RNF122: variants seen among roughly 807,000 people sequenced by gnomAD.
RNF122 encodes ring finger protein 122.
In RNF122, 17 loss-of-function variants were observed where a neutral mutation model predicts 24.2. The ratio of observed to expected loss-of-function variants is 0.70; its 90% CI spans 0.48 to 1.06. The LOEUF (loss-of-function observed/expected upper bound fraction) is 1.06. Among genes scored for constraint, RNF122 ranks in the 50% least tolerant of loss-of-function variants. RNF122 has a pLI of 0.00. For missense variants in RNF122, 168 were observed against 198.1 expected (o/e 0.85, Z 0.91); for synonymous variants, 65 against 71.8 (o/e 0.91, Z 0.48).
chr8:33,562,688 C>T (rs920732341), intron 1 of RNF122, among the ~76,000 whole-genome samples: 1 of 152,088 alleles, frequency 6.6e-6, no homozygotes, highest in African/African-American at 2.4e-5. Flanking sequence ...CTTTGGGAGG[C>T]TGAGGTAGGC....
At chr8:33,560,400 T>C (rs1563370335) in intron 1 of RNF122, among the ~76,000 whole-genome samples, 3 of 151,902 alleles carry the variant, frequency 2.0e-5, no homozygotes, top group Admixed American at 1.3e-4. Context: ...GGAGACAAGG[T>C]CTCACTCTGT....
intron 2 of RNF122, among the ~76,000 whole-genome samples, chr8:33,554,858 AGAGGGGGAAGAATGAGC>A (rs1301608227): frequency 6.6e-6 from 1 of 152,016 alleles, no homozygotes; most frequent in Non-Finnish European, 1.5e-5. Flanking sequence ...CAGCTCTGAG[AGAGGGGGAAGAATGAGC>A]GAGGGGCTGG....
chr8:33,552,196 G>A (rs934187527), intron 2 of RNF122, among the ~76,000 whole-genome samples: 1 of 152,066 alleles, frequency 6.6e-6, no homozygotes, highest in East Asian at 1.9e-4. Flanking sequence ...GATCACTTGA[G>A]TTCAAGACCA....
intron 2 of RNF122, among the ~76,000 whole-genome samples, chr8:33,557,632 A>T (rs1008325311): frequency 1.3e-5 from 2 of 151,734 alleles, no homozygotes; most frequent in African/African-American, 4.8e-5. Context: ...CGTCTCAAAA[A>T]AAAAAAAAAG....
intron 2 of RNF122, among the ~76,000 whole-genome samples, chr8:33,557,475 C>CA (rs1271962300): frequency 5.3e-5 from 8 of 151,834 alleles, no homozygotes; most frequent in Admixed American, 1.3e-4. Context: ...ACTAAAAATA[C>CA]AAAAATAAAA....
rs779420789 is a variant in RNF122, at chr8:33,549,534, C to T, written c.271-42G>A. ...GCAGGTGTGTGAGGAACTGGGGAAC[C>T]ATCTCACTCATTCAACCCCAGACAA... is the stretch of plus-strand genomic sequence containing the variant. On this transcript the variant is annotated intron_variant, in intron 4 of 5. Transcript: ENST00000256257. The T allele has an allele frequency of 1.1e-4, 154 of 1,441,170 alleles. No homozygotes were observed. The Admixed American group carries it at 2.4e-3, about 23-fold the overall frequency. 89.3% of individuals were successfully genotyped at this position (1,441,170 alleles called of 1,614,324 possible).
chr8:33,551,391 T>G lies in RNF122; in HGVS notation c.183-2A>C, dbSNP rs749633865. 1.2e-6 allele frequency: 2 copies of G among 1,613,932 alleles called. No homozygotes were observed. Among genetic ancestry groups the G allele is most frequent in the Non-Finnish European group, 1.7e-6 (2 of 1,179,986 alleles). ...CTCTGTGCCTGGTTCCGCAGTTTGC[T>G]GGGAGAAAGAGAAAAAAATTAGAGA... On this transcript the variant is annotated splice_acceptor_variant, in intron 2 of 5. Coordinates refer to ENST00000256257, the MANE Select transcript of RNF122 (RefSeq NM_024787.3). LOFTEE classifies it high-confidence loss of function.
Position 33,548,799 on chromosome 8 carries a change from G to C in RNF122, c.422C>G (p.Ser141Ter). The change falls in exon 6 of 6, where the codon TCA becomes TGA. Residue 141 changes from serine to a stop codon, truncating the protein, a stop_gained. Coordinates refer to ENST00000256257, the MANE Select transcript of RNF122 (RefSeq NM_024787.3). LOFTEE classifies it high-confidence loss of function. ...PMCNKPIASP[S>*]EATQNIGILL... is the part of the protein sequence containing the mutation. ...AATCCCAATGTTCTGCGTGGCCTCT[G>C]AGGGACTAGCAATGGGCTTGTTACA... The C allele has an allele frequency of 6.2e-7, 1 of 1,614,040 alleles. No homozygotes were observed. The highest frequency in any genetic ancestry group is 1.1e-5 in the South Asian group (1 of 91,070).
chr8:33,558,760 C>T lies in RNF122; in HGVS notation c.37G>A (p.Gly13Ser), dbSNP rs1338873611. 1 of 1,573,424 alleles carries T rather than the reference C, an allele frequency of 6.4e-7. No individual in the cohort carries two copies. Among genetic ancestry groups the T allele is most frequent in the Non-Finnish European group, 8.6e-7 (1 of 1,158,072 alleles). ...TTGTTGGTGCTAACCAGTCCCAGGC[C>T]ACAGAAACACCCTGCAAAGGGAGAG... is the stretch of plus-strand genomic sequence containing the variant. Reference protein sequence around the residue: ...PFQWCNGCFCGLGLVSTNKSC... With the variant: ...PFQWCNGCFCSLGLVSTNKSC... Residue 13 changes from glycine to serine, a missense_variant, in exon 2 of 6, where the codon GGC becomes AGC. Physicochemically the swap from Gly to Ser is moderately conservative, Grantham distance 56 (BLOSUM62 0). Coordinates refer to ENST00000256257, the MANE Select transcript of RNF122 (RefSeq NM_024787.3).
chr8:33,554,177 G>A (rs1164781956), intron 2 of RNF122, among the ~76,000 whole-genome samples: 1 of 152,204 alleles, frequency 6.6e-6, no homozygotes, highest in African/African-American at 2.4e-5. Flanking sequence ...TGTTCCCAGG[G>A]ACAGGGAGCT....
chr8:33,551,742 C>G (rs180834346), intron 2 of RNF122, among the ~76,000 whole-genome samples: 1 of 152,068 alleles, frequency 6.6e-6, no homozygotes, highest in Non-Finnish European at 1.5e-5. Context: ...ACTGAGTGTG[C>G]GGAAGTTAGA....
At chr8:33,556,494 A>G (rs2128839556) in intron 2 of RNF122, among the ~76,000 whole-genome samples, 1 of 152,278 alleles carries the variant, frequency 6.6e-6, no homozygotes, top group East Asian at 1.9e-4. Context: ...AGCAGGGAGG[A>G]AAGGGACCAA....
chr8:33,551,123 C>G, intron 3 of RNF122, 38 bp from the exon 4 acceptor site: 1 of 1,611,870 alleles, frequency 6.2e-7, no homozygotes, highest in Non-Finnish European at 8.5e-7. Context: ...CAAAGAAGAA[C>G]CAACCACTGG....
chr8:33,565,132 G>A (rs1339511953), intron 1 of RNF122, among the ~76,000 whole-genome samples: 1 of 152,130 alleles, frequency 6.6e-6, no homozygotes, highest in Non-Finnish European at 1.5e-5. Flanking sequence ...CTCTTTCCCA[G>A]CCAACGGGAA....
chr8:33,560,814 C>A (rs935384851), intron 1 of RNF122, among the ~76,000 whole-genome samples: 1 of 152,012 alleles, frequency 6.6e-6, no homozygotes, highest in Admixed American at 6.6e-5. Context: ...TCTGTAATCC[C>A]AGCTACTCGG....
At position 33,549,401 on chromosome 8, in the gene RNF122, C is replaced by G; in HGVS notation, c.353+9G>C. ...CTTCGACGGGCACCCTGGACACATT[C>G]CCACGTACTTGCGGTGAAAGGCGTG... On this transcript the variant is annotated intron_variant, in intron 5 of 5. Transcript: ENST00000256257. 6.2e-7 allele frequency: 1 copy of G among 1,611,496 alleles called. No homozygotes were observed. The highest frequency in any genetic ancestry group is 8.5e-7 in the Non-Finnish European group (1 of 1,177,586).
Position 33,566,735 on chromosome 8 carries a change from CG to C in RNF122, c.-13del. ...TGGAATGGGTGCATCAATGAAGTCGCGGTTGGCTTCCTCGGGCGAACGGACG... is the reference window on the plus strand; with the variant it reads ...TGGAATGGGTGCATCAATGAAGTCGCGTTGGCTTCCTCGGGCGAACGGACG... On this transcript the variant is annotated 5_prime_UTR_variant, in exon 1 of 6. Coordinates refer to ENST00000256257, the MANE Select transcript of RNF122 (RefSeq NM_024787.3). 6.2e-7 allele frequency: 1 copy of C among 1,603,718 alleles called. No individual in the cohort carries two copies. The highest frequency in any genetic ancestry group is 8.5e-7 in the Non-Finnish European group (1 of 1,175,992).
intron 4 of RNF122, among the ~76,000 whole-genome samples, chr8:33,550,294 T>C (rs1050087129): frequency 2.6e-5 from 4 of 152,126 alleles, no homozygotes; most frequent in African/African-American, 9.7e-5. Flanking sequence ...TTGATCTCAG[T>C]TGAATTATTC....
intron 4 of RNF122, 63 bp downstream of exon 4, chr8:33,550,981 G>C (rs1008221351): frequency 6.6e-7 from 1 of 1,519,652 alleles, no homozygotes. Context: ...GCAGAGAACT[G>C]GAGCAAGGTG....
Sources: allele counts gnomAD v4.1 joint callset (sites outside exome capture counted in the v4.1 genomes callset), GRCh38; gene constraint gnomAD v4.1.1; transcripts MANE v1.5; gene names NCBI Gene and HGNC (gene_info 2026-07-23, HGNC 2026-07-21).